PPP2R5A: variants seen among roughly 807,000 people sequenced by gnomAD.
PPP2R5A encodes serine/threonine-protein phosphatase 2A 56 kDa regulatory subunit alpha isoform.
A neutral mutation model predicts 64.2 loss-of-function variants in PPP2R5A; 25 were observed. The observed-to-expected ratio is 0.39, with a 90% CI of 0.28 to 0.54. The LOEUF is 0.54. Among genes scored for constraint, PPP2R5A ranks in the 20% least tolerant of loss-of-function variants. The pLI, the probability that PPP2R5A is intolerant of heterozygous loss-of-function variation, is 0.67. For synonymous variants in PPP2R5A, 198 were observed against 201.2 expected, an observed-to-expected ratio of 0.98 and a Z score of 0.13; for missense variants, 425 against 576.3, an observed-to-expected ratio of 0.74 and a Z score of 2.69.
intron 1 of PPP2R5A, among the ~76,000 whole-genome samples, chr1:212,323,661 T>C (rs1471953143): frequency 6.6e-6 from 1 of 152,158 alleles, no homozygotes; most frequent in African/African-American, 2.4e-5. Context: ...AAAAACAAAT[T>C]TAAATGCATC....
intron 1 of PPP2R5A, among the ~76,000 whole-genome samples, chr1:212,320,596 C>A (rs559731824): frequency 1.4e-5 from 2 of 143,788 alleles, no homozygotes; most frequent in Non-Finnish European, 1.5e-5. Context: ...GCCTCCCTCC[C>A]GGACGGGGCA....
intron 3 of PPP2R5A, among the ~76,000 whole-genome samples, chr1:212,337,694 ATT>A (rs1222370213): frequency 6.6e-6 from 1 of 152,090 alleles, no homozygotes. Context: ...GTGAATAGTT[ATT>A]ATCTTTTTAG....
At chr1:212,288,545 T>A (rs998256945) in intron 1 of PPP2R5A, among the ~76,000 whole-genome samples, 23 of 152,146 alleles carry the variant, frequency 1.5e-4, no homozygotes, top group African/African-American at 5.6e-4. Context: ...ATTGAGGAAA[T>A]AAGACCCTTA....
intron 1 of PPP2R5A, among the ~76,000 whole-genome samples, chr1:212,310,514 C>CG (rs1397684615): frequency 7.2e-5 from 11 of 152,164 alleles, no homozygotes; most frequent in African/African-American, 2.7e-4. Flanking sequence ...CCCCATCCCC[C>CG]ACAAAATCTC....
rs1571586412 is a variant in PPP2R5A, at chr1:212,314,704, C to T, written c.182-14431C>T. Reference sequence around the variant, plus strand: ...TCCTGAGTAGCTGGGACTACAGGCACGTGCCACCATGCCTGGCTAATTTTT... The same window carrying T: ...TCCTGAGTAGCTGGGACTACAGGCATGTGCCACCATGCCTGGCTAATTTTT... On this transcript the variant is annotated intron_variant, in intron 1 of 12. Coordinates refer to ENST00000261461, the MANE Select transcript of PPP2R5A (RefSeq NM_006243.4). Among the ~76,000 whole-genome samples the T allele has an allele frequency of 2.0e-5, 3 of 151,656 alleles. No homozygotes were observed. In the East Asian group the frequency reaches 5.8e-4, roughly 29 times the overall value.
intron 1 of PPP2R5A, among the ~76,000 whole-genome samples, chr1:212,293,443 G>GT (rs1487734624): frequency 5.9e-5 from 9 of 152,334 alleles, no homozygotes; most frequent in Admixed American, 2.0e-4. Flanking sequence ...TACTTTTAGT[G>GT]TATTATTATG....
chr1:212,333,909 C>T (rs1659549433), intron 3 of PPP2R5A: 1 of 194,434 alleles, frequency 5.1e-6, no homozygotes, highest in Non-Finnish European at 1.0e-5. Context: ...ATGGAAACCC[C>T]ATTGGCATTT....
intron 6 of PPP2R5A, 44 bp from the exon 7 acceptor site, chr1:212,348,345 A>C (rs545077273): frequency 8.0e-7 from 1 of 1,248,562 alleles, no homozygotes; most frequent in East Asian, 2.3e-5. Context: ...TTAGAAACAA[A>C]GTAGTAACTA....
chr1:212,345,726 AATCTTTAAG>A, intron 4 of PPP2R5A, 68 bp from the exon 5 acceptor site: 1 of 1,472,970 alleles, frequency 6.8e-7, no homozygotes, highest in Non-Finnish European at 9.1e-7. Context: ...TGTCATGGAT[AATCTTTAAG>A]ATCAAAATTA....
intron 8 of PPP2R5A, among the ~76,000 whole-genome samples, chr1:212,351,151 T>C (rs1659872979): frequency 6.6e-6 from 1 of 150,906 alleles, no homozygotes; most frequent in South Asian, 2.1e-4. Context: ...GGGAGAGGGA[T>C]GATGGCCAGT....
intron 5 of PPP2R5A, 131 bp downstream of exon 5, chr1:212,346,064 A>G: frequency 1.2e-6 from 1 of 867,694 alleles, no homozygotes; most frequent in Non-Finnish European, 1.6e-6. Flanking sequence ...TGCAGTGGTG[A>G]GAACATAGCT....
intron 3 of PPP2R5A, among the ~76,000 whole-genome samples, chr1:212,334,661 A>C (rs1225930183): frequency 6.6e-6 from 1 of 152,204 alleles, no homozygotes; most frequent in Non-Finnish European, 1.5e-5. Flanking sequence ...TGGATGTAGA[A>C]TTCTTGGCTA....
rs1658482934 is a variant in PPP2R5A at position 212,285,811 on chromosome 1, C to T, written c.-300C>T. The stretch of plus-strand genomic sequence containing the variant: ...TCTAAACTTCGGGCTCTCTTCCACC[C>T]GCTCTGCGCGCCCAGAGTCAACAAC... On this transcript the variant is annotated 5_prime_UTR_variant, in exon 1 of 13. Coordinates refer to ENST00000261461, the MANE Select transcript of PPP2R5A (RefSeq NM_006243.4). 1 of 301,736 alleles carries T rather than the reference C, an allele frequency of 3.3e-6. No homozygotes were observed. The highest frequency in any genetic ancestry group is 6.1e-6 in the Non-Finnish European group (1 of 164,476). The allele number at this position is 301,736 out of a possible 1,614,324, so 18.7% of individuals were successfully genotyped here.
chr1:212,340,715 C>G (rs1018955399), intron 3 of PPP2R5A, among the ~76,000 whole-genome samples: 3 of 152,290 alleles, frequency 2.0e-5, no homozygotes, highest in African/African-American at 4.8e-5. Flanking sequence ...ATAAGCATCA[C>G]TCCTTTTCCA....
intron 5 of PPP2R5A, 102 bp downstream of exon 5, chr1:212,346,035 T>C: frequency 6.9e-6 from 8 of 1,162,184 alleles, no homozygotes; most frequent in Admixed American, 2.8e-5. Context: ...AGGGTCTCAC[T>C]CTGTCATCCA....
At chr1:212,288,576 G>T (rs1450070095) in intron 1 of PPP2R5A, among the ~76,000 whole-genome samples, 2 of 151,806 alleles carry the variant, frequency 1.3e-5, no homozygotes, top group African/African-American at 4.8e-5. Flanking sequence ...AAACTAATAG[G>T]AACAACTTCT....
intron 1 of PPP2R5A, among the ~76,000 whole-genome samples, chr1:212,326,600 A>G (rs1030986239): frequency 6.6e-6 from 1 of 152,146 alleles, no homozygotes; most frequent in Non-Finnish European, 1.5e-5. Flanking sequence ...CCGTCTCAAA[A>G]AAAAAGTGAC....
intron 1 of PPP2R5A, among the ~76,000 whole-genome samples, chr1:212,322,912 A>G (rs1343235352): frequency 6.6e-6 from 1 of 152,064 alleles, no homozygotes; most frequent in Non-Finnish European, 1.5e-5. Context: ...CAGCCTCCCG[A>G]GTAGCTGGGA....
intron 1 of PPP2R5A, among the ~76,000 whole-genome samples, chr1:212,310,864 A>C (rs542773308): frequency 6.6e-6 from 1 of 152,138 alleles, no homozygotes; most frequent in Admixed American, 6.5e-5. Flanking sequence ...GATAGGTCCT[A>C]CTCCTTACCT....
Sources: allele counts gnomAD v4.1 joint callset (sites outside exome capture counted in the v4.1 genomes callset), GRCh38; gene constraint gnomAD v4.1.1; transcripts MANE v1.5; gene names NCBI Gene and HGNC (gene_info 2026-07-23, HGNC 2026-07-21).